Variants in RASGRF2 observed in about 807,000 individuals in gnomAD.
The protein encoded by RASGRF2 is ras-specific guanine nucleotide-releasing factor 2.
RASGRF2 carries 76 observed loss-of-function variants against 151.0 expected under a neutral mutation model. The observed-to-expected ratio is 0.50, with a 90% CI of 0.42 to 0.61. The LOEUF is 0.61. Ranked by LOEUF, RASGRF2 falls within the 20% of genes least tolerant of loss-of-function variation. The pLI, the probability that RASGRF2 is intolerant of heterozygous loss-of-function variation, is 0.00. For synonymous variants in RASGRF2, 504 were observed against 566.5 expected (o/e 0.89, Z 1.57); for missense variants, 1,148 against 1,564.6 (o/e 0.73, Z 4.49).
chr5:81,004,146 T>C (rs1360388259), intron 1 of RASGRF2, among the ~76,000 whole-genome samples: 1 of 152,214 alleles, frequency 6.6e-6, no homozygotes, highest in Non-Finnish European at 1.5e-5. Flanking sequence ...GGCAGGCACC[T>C]CTGATCACAG....
At chr5:81,097,433 A>C (rs955226867) in intron 12 of RASGRF2, among the ~76,000 whole-genome samples, 1 of 152,200 alleles carries the variant, frequency 6.6e-6, no homozygotes, top group East Asian at 1.9e-4. Flanking sequence ...ACAACAACAA[A>C]ATTTTCTTAA....
intron 1 of RASGRF2, among the ~76,000 whole-genome samples, chr5:80,987,980 A>C (rs1748524762): frequency 1.4e-5 from 1 of 71,852 alleles, no homozygotes; most frequent in African/African-American, 5.4e-5. Flanking sequence ...TATCATCTCT[A>C]CTCATGTGTA....
At chr5:81,217,207 G>A (rs78976336) in intron 24 of RASGRF2, 149 bp from the exon 25 acceptor site, 18,461 of 1,166,594 alleles carry the variant, frequency 0.016, 714 homozygotes, top group East Asian at 0.15. Context: ...AAAATTCTGC[G>A]TATTATGAAT....
At chr5:81,024,482 A>G (rs1225645940) in intron 1 of RASGRF2, among the ~76,000 whole-genome samples, 2 of 149,708 alleles carry the variant, frequency 1.3e-5, no homozygotes, top group Admixed American at 1.3e-4. Context: ...CTGGTCTTGA[A>G]CTCCTGACCT....
At chr5:81,138,021 G>A (rs1753795005) in intron 17 of RASGRF2, among the ~76,000 whole-genome samples, 1 of 151,368 alleles carries the variant, frequency 6.6e-6, no homozygotes, top group Non-Finnish European at 1.5e-5. Context: ...TAGGAACCAA[G>A]GGCTTCAAAT....
At chr5:81,117,517 C>G (rs1452704235) in intron 15 of RASGRF2, among the ~76,000 whole-genome samples, 1 of 152,200 alleles carries the variant, frequency 6.6e-6, no homozygotes, top group East Asian at 1.9e-4. Context: ...GAGGTCCCAC[C>G]TCTCAACACT....
chr5:81,105,139 G>A (rs73127198), intron 12 of RASGRF2, among the ~76,000 whole-genome samples: 6,700 of 152,196 alleles, frequency 0.044, 484 homozygotes, highest in African/African-American at 0.15. Flanking sequence ...TACCCTGATT[G>A]TGGGTATCCT....
chr5:81,012,055 C>T lies in RASGRF2; in HGVS notation c.289-30822C>T, dbSNP rs529229493. On this transcript the variant is annotated intron_variant, in intron 1 of 26. Coordinates refer to ENST00000265080, the MANE Select transcript of RASGRF2 (RefSeq NM_006909.3). ...GGAGCTATGACCGTGAACTTGTCTT[C>T]GAGCATCCCAGCTTTTAAAAGCTTT... is the stretch of plus-strand genomic sequence containing the variant. Among the ~76,000 whole-genome samples, 14 of 152,278 alleles carry T rather than the reference C, an allele frequency of 9.2e-5. No individual in the cohort carries two copies. The South Asian group carries it at 1.2e-3, about 14-fold the overall frequency.
At chr5:81,082,489 G>C (rs78171101) in intron 7 of RASGRF2, among the ~76,000 whole-genome samples, 1 of 152,154 alleles carries the variant, frequency 6.6e-6, no homozygotes, top group Non-Finnish European at 1.5e-5. Context: ...TCATAGCATC[G>C]GGGAAAATAA....
intron 1 of RASGRF2, among the ~76,000 whole-genome samples, chr5:80,967,318 G>A (rs888140275): frequency 1.3e-5 from 2 of 152,130 alleles, no homozygotes; most frequent in African/African-American, 4.8e-5. Context: ...AACCTGGGAG[G>A]TGGAGGTTGC....
intron 18 of RASGRF2, among the ~76,000 whole-genome samples, chr5:81,188,801 G>A (rs1467827344): frequency 6.6e-6 from 1 of 152,158 alleles, no homozygotes; most frequent in African/African-American, 2.4e-5. Flanking sequence ...GCAAATGGCA[G>A]CAGCAGGTTT....
At chr5:81,127,462 A>G (rs1026450165) in intron 17 of RASGRF2, among the ~76,000 whole-genome samples, 1 of 151,954 alleles carries the variant, frequency 6.6e-6, no homozygotes, top group African/African-American at 2.4e-5. Context: ...GGCTGAGGCT[A>G]CAGTGAGCTG....
intron 2 of RASGRF2, 127 bp downstream of exon 2, chr5:81,043,110 A>G (rs1750730253): frequency 3.2e-6 from 2 of 632,852 alleles, no homozygotes; most frequent in Non-Finnish European, 5.6e-6. Flanking sequence ...CCTATTCCTT[A>G]GTCATGTGTG....
chr5:80,994,867 C>T (rs1748783083), intron 1 of RASGRF2, among the ~76,000 whole-genome samples: 1 of 152,184 alleles, frequency 6.6e-6, no homozygotes, highest in Non-Finnish European at 1.5e-5. Context: ...GAAAATTTAT[C>T]CATTTTAAGT....
intron 23 of RASGRF2, 74 bp from the exon 24 acceptor site, chr5:81,215,802 A>G: frequency 1.4e-6 from 2 of 1,408,098 alleles, no homozygotes; most frequent in Non-Finnish European, 1.8e-6. Flanking sequence ...AGAGAACTGA[A>G]CATCTTTTGG....
chr5:81,222,239 A>T (rs928120520), intron 26 of RASGRF2, among the ~76,000 whole-genome samples: 1 of 152,194 alleles, frequency 6.6e-6, no homozygotes, highest in Non-Finnish European at 1.5e-5. Context: ...ATTTGTATTA[A>T]GCTAAATATA....
At chr5:81,217,045 G>A in intron 24 of RASGRF2, 1 of 443,210 alleles carries the variant, frequency 2.3e-6, no homozygotes, top group South Asian at 1.7e-5. Flanking sequence ...AAAAAGTGTG[G>A]GCAGTTTACA....
intron 2 of RASGRF2, among the ~76,000 whole-genome samples, chr5:81,065,727 G>A (rs1392861510): frequency 3.3e-5 from 5 of 152,156 alleles, no homozygotes; most frequent in Non-Finnish European, 5.9e-5. Flanking sequence ...CAAGGTATCT[G>A]TATCTGTGGT....
chr5:81,043,714 G>C (rs536877016), intron 2 of RASGRF2, among the ~76,000 whole-genome samples: 1 of 152,240 alleles, frequency 6.6e-6, no homozygotes, highest in Non-Finnish European at 1.5e-5. Flanking sequence ...CCAGGCTGTT[G>C]CTCCACTACT....
Sources: gnomAD v4.1 joint callset for allele counts (sites outside exome capture counted in the v4.1 genomes callset) on GRCh38, gnomAD v4.1.1 for gene constraint, MANE v1.5 for transcripts, NCBI Gene and HGNC (gene_info 2026-07-23, HGNC 2026-07-21) for gene names.